Variants in SMARCA2 observed in about 807,000 individuals in gnomAD.
The protein encoded by SMARCA2 is SWI/SNF related BAF chromatin remodeling complex subunit ATPase 2, also known as SWI/SNF-related matrix-associated actin-dependent regulator of chromatin subfamily A member 2.
In SMARCA2, 61 loss-of-function variants were observed where a neutral mutation model predicts 199.8. That is an observed-to-expected ratio of 0.31 (90% CI 0.25 to 0.38). SMARCA2 has a LOEUF of 0.38. SMARCA2 is among the 10% of genes least tolerant of loss of function. SMARCA2 has a pLI of 1.00. For missense variants in SMARCA2, 1,344 were observed against 2,012.2 expected (o/e 0.67, Z 6.35); for synonymous variants, 935 against 732.0 (o/e 1.28, Z -4.48).
At chr9:2,096,072 C>T (rs1822263178) in intron 19 of SMARCA2, among the ~76,000 whole-genome samples, 1 of 152,156 alleles carries the variant, frequency 6.6e-6, no homozygotes, top group African/African-American at 2.4e-5. Context: ...AAAGTAGTGT[C>T]CAATTGTGGA....
chr9:2,083,064 T>A (rs1821636898), intron 15 of SMARCA2, among the ~76,000 whole-genome samples: 1 of 152,316 alleles, frequency 6.6e-6, no homozygotes, highest in South Asian at 2.1e-4. Context: ...TGCTCTTTTT[T>A]AATATCATAT....
At chr9:2,150,216 T>C (rs548648414) in intron 27 of SMARCA2, among the ~76,000 whole-genome samples, 1 of 151,554 alleles carries the variant, frequency 6.6e-6, no homozygotes, top group Non-Finnish European at 1.5e-5. Context: ...ACTCATAACA[T>C]CCCTAGCATA....
At chr9:2,126,969 A>G (rs945608325) in intron 27 of SMARCA2, among the ~76,000 whole-genome samples, 1 of 152,110 alleles carries the variant, frequency 6.6e-6, no homozygotes, top group Non-Finnish European at 1.5e-5. Flanking sequence ...AGAGAACAAT[A>G]TTTTTTTCTG....
intron 19 of SMARCA2, among the ~76,000 whole-genome samples, chr9:2,095,949 G>T (rs980887271): frequency 2.0e-5 from 3 of 152,178 alleles, no homozygotes; most frequent in African/African-American, 7.2e-5. Context: ...GATAAAGTAC[G>T]CAGGTGTGTG....
intron 31 of SMARCA2, among the ~76,000 whole-genome samples, chr9:2,182,478 C>CTTTTTTT (rs145095906): frequency 5.9e-4 from 57 of 96,688 alleles, no homozygotes; most frequent in African/African-American, 1.9e-3. Flanking sequence ...AGCTTATAGT[C>CTTTTTTT]TTTTTTTTTT....
At chr9:2,181,005 T>C (rs186887120) in intron 29 of SMARCA2, among the ~76,000 whole-genome samples, 10 of 152,228 alleles carry the variant, frequency 6.6e-5, no homozygotes, top group South Asian at 6.2e-4. Context: ...ATGTGTGGTT[T>C]ACAGTATGTA....
chr9:2,158,952 T>C (rs999916654), intron 27 of SMARCA2: 1 of 1,612,152 alleles, frequency 6.2e-7, no homozygotes, highest in African/African-American at 1.3e-5. Flanking sequence ...CATTCCTGCA[T>C]AAAACCTTAG....
intron 5 of SMARCA2, among the ~76,000 whole-genome samples, chr9:2,050,559 C>T (rs56275566): frequency 6.6e-6 from 1 of 151,784 alleles, no homozygotes; most frequent in Non-Finnish European, 1.5e-5. Flanking sequence ...TAAAGTCAGA[C>T]TTTAGTATGA....
rs13296982 is a variant in SMARCA2 at position 2,039,761 on chromosome 9, A to G, written c.651A>G (p.Gln217=). ...QGKRTLPGLQ[Q]QQQQQQQQQQ... ...AAAGGACGTTGCCTGGCTTGCAGCA[A>G]CAACAGCAGCAGCAACAGCAGCAGC... The change falls in exon 4 of 34, where the codon CAA becomes CAG. Residue 217 remains glutamine, a synonymous_variant. Coordinates refer to ENST00000349721, the MANE Select transcript of SMARCA2 (RefSeq NM_003070.5). The surrounding 1 kb of genome is among the most constrained non-coding windows in gnomAD (Gnocchi z 4.8). The G allele has an allele frequency of 1.9e-6, 3 of 1,610,380 alleles. No homozygotes were observed. Among genetic ancestry groups the G allele is most frequent in the African/African-American group, 1.4e-5 (1 of 73,846 alleles).
Position 2,169,217 on chromosome 9 carries a change from C to T in SMARCA2, c.4200-1202C>T, listed in dbSNP as rs1313189682. Among the ~76,000 whole-genome samples the T allele has an allele frequency of 6.6e-6, 1 of 152,192 alleles. No homozygotes were observed. Among genetic ancestry groups the T allele is most frequent in the Non-Finnish European group, 1.5e-5 (1 of 68,028 alleles). On this transcript the variant is annotated intron_variant, in intron 28 of 33. Transcript: ENST00000349721. This position sits in a 1 kb window ranked among gnomAD's most constrained non-coding sequence, Gnocchi z 6.5. ...GAGGCCCTTGCACTGCTGGCCTGGC[C>T]TGGCAAGCTGCAGGGTGGACTGCGT...
At chr9:2,034,295 T>C (rs1323573866) in intron 3 of SMARCA2, among the ~76,000 whole-genome samples, 1 of 146,208 alleles carries the variant, frequency 6.8e-6, no homozygotes, top group Non-Finnish European at 1.5e-5. Context: ...CATTCCCAGG[T>C]ACTGGGGGTT....
chr9:2,071,061 C>T (rs1160985123), intron 10 of SMARCA2, among the ~76,000 whole-genome samples: 5 of 152,012 alleles, frequency 3.3e-5, no homozygotes, highest in Admixed American at 6.6e-5. Flanking sequence ...TCCCTGCCAG[C>T]GATTCACAGT....
At chr9:2,113,797 AGTATTTTT>A (rs1296334367) in intron 24 of SMARCA2, among the ~76,000 whole-genome samples, 10 of 152,128 alleles carry the variant, frequency 6.6e-5, no homozygotes, top group African/African-American at 2.2e-4. Context: ...CCCTGCAATT[AGTATTTTT>A]GTGGTTTTGT....
chr9:2,095,966 C>A (rs770796455), intron 19 of SMARCA2, among the ~76,000 whole-genome samples: 90 of 152,124 alleles, frequency 5.9e-4, no homozygotes, highest in Non-Finnish European at 1.1e-3. Flanking sequence ...TGTGATAAAC[C>A]ATGAGCATGT....
intron 27 of SMARCA2, among the ~76,000 whole-genome samples, chr9:2,142,119 T>C (rs1586748086): frequency 6.6e-6 from 1 of 152,184 alleles, no homozygotes; most frequent in East Asian, 1.9e-4. Flanking sequence ...GTAGGGCCCT[T>C]AGCTCCATCA....
chr9:2,125,968 T>C (rs1823674211), intron 27 of SMARCA2, among the ~76,000 whole-genome samples: 1 of 152,246 alleles, frequency 6.6e-6, no homozygotes, highest in African/African-American at 2.4e-5. Flanking sequence ...TTAAGATATC[T>C]GTTTTGTTTT....
chr9:2,099,710 C>G lies in SMARCA2; in HGVS notation c.3079-1860C>G, dbSNP rs138529137. Among the ~76,000 whole-genome samples the G allele has an allele frequency of 6.8e-3, 1,037 of 152,208 alleles. 11 individuals carry two copies. Among genetic ancestry groups the G allele is most frequent in the African/African-American group, 0.022 (932 of 41,518 alleles). On this transcript the variant is annotated intron_variant, in intron 21 of 33. Transcript: ENST00000349721. Reference sequence around the variant, plus strand: ...GGAACAGAGATGGTGTGTGAATTTGCCTTTGTTGTGTTTCGTTTGCCACAC... The same window carrying G: ...GGAACAGAGATGGTGTGTGAATTTGGCTTTGTTGTGTTTCGTTTGCCACAC...
rs76234243 is a variant in SMARCA2 at position 2,121,309 on chromosome 9, C to T, written c.3762+1774C>T. ...TACCACTCAAAGAACAGGGTTGTAA[C>T]ACAGGTGAGGCTGGCTAGGGAACAC... On this transcript the variant is annotated intron_variant, in intron 26 of 33. Coordinates refer to ENST00000349721, the MANE Select transcript of SMARCA2 (RefSeq NM_003070.5). 2.0e-5 allele frequency among the ~76,000 whole-genome samples: 3 copies of T among 152,224 alleles called. No homozygotes were observed. In the South Asian group the frequency reaches 6.2e-4, roughly 31 times the overall value.
chr9:2,178,942 A>G (rs929605474), intron 29 of SMARCA2, among the ~76,000 whole-genome samples: 3 of 152,348 alleles, frequency 2.0e-5, no homozygotes, highest in East Asian at 3.9e-4. Context: ...GAGAGAAACA[A>G]TAACACACAT....
Sources: gnomAD v4.1 joint callset for allele counts (sites outside exome capture counted in the v4.1 genomes callset) on GRCh38, gnomAD v4.1.1 for gene constraint, Gnocchi (gnomAD v3.1) non-coding constraint, MANE v1.5 for transcripts, NCBI Gene and HGNC (gene_info 2026-07-23, HGNC 2026-07-21) for gene names.